Variants in PIEZO2 observed in about 807,000 individuals in gnomAD.
The protein encoded by PIEZO2 is piezo type mechanosensitive ion channel component 2, also known as piezo-type mechanosensitive ion channel component 2.
PIEZO2 carries 172 observed loss-of-function variants against 337.3 expected under a neutral mutation model. The ratio of observed to expected loss-of-function variants is 0.51; its 90% CI spans 0.45 to 0.58. PIEZO2 has a LOEUF of 0.58. Among genes scored for constraint, PIEZO2 ranks in the 20% least tolerant of loss-of-function variants. The pLI, the probability that PIEZO2 is intolerant of heterozygous loss-of-function variation, is 0.00. For synonymous variants in PIEZO2, 1,251 were observed against 1,228.5 expected (o/e 1.02, Z -0.38); for missense variants, 3,028 against 3,391.3 (o/e 0.89, Z 2.66).
intron 3 of PIEZO2, among the ~76,000 whole-genome samples, chr18:10,960,931 C>G (rs1032627477): frequency 6.6e-6 from 1 of 152,152 alleles, no homozygotes; most frequent in African/African-American, 2.4e-5. Context: ...GTAATCCCAG[C>G]ACTTTGGGAG....
chr18:11,135,740 G>T (rs879734515), intron 1 of PIEZO2, among the ~76,000 whole-genome samples: 3 of 152,142 alleles, frequency 2.0e-5, no homozygotes, highest in Non-Finnish European at 4.4e-5. Context: ...TAGAAACAGG[G>T]TTTCACCATG....
chr18:11,022,403 A>G (rs1475705895), intron 2 of PIEZO2, among the ~76,000 whole-genome samples: 3 of 152,242 alleles, frequency 2.0e-5, no homozygotes, highest in Non-Finnish European at 4.4e-5. Flanking sequence ...GGGGCATGGT[A>G]GCAAAGCACT....
chr18:10,721,307 CTGGCACTTCAGA>C lies in PIEZO2; in HGVS notation c.5030-3060_5030-3049del, dbSNP rs542206582. ...ATACATAAGGCACATATGACAACAG[CTGGCACTTCAGA>C]AGAATGGGATCCATGTGCTTCATCT... On this transcript the variant is annotated intron_variant, in intron 36 of 55. Coordinates refer to ENST00000674853, the MANE Select transcript of PIEZO2 (RefSeq NM_001378183.1). 9.2e-5 allele frequency among the ~76,000 whole-genome samples: 14 copies of C among 152,338 alleles called. No individual in the cohort carries two copies. In the South Asian group the frequency reaches 2.9e-3, roughly 32 times the overall value.
At chr18:10,868,245 C>G (rs1240814876) in intron 5 of PIEZO2, among the ~76,000 whole-genome samples, 2 of 152,202 alleles carry the variant, frequency 1.3e-5, no homozygotes, top group Non-Finnish European at 2.9e-5. Flanking sequence ...AGAAATAATG[C>G]CAGCAAACAC....
rs550198629 is a variant in PIEZO2 at position 10,979,458 on chromosome 18, G to A, written c.286+77C>T. Reference sequence around the variant, plus strand: ...TTATTGCATAGATTTCTATGTGTGCGATGACACACAGCTTTATTATGCACG... The same window carrying A: ...TTATTGCATAGATTTCTATGTGTGCAATGACACACAGCTTTATTATGCACG... On this transcript the variant is annotated intron_variant, in intron 3 of 55. Transcript: ENST00000674853. This position sits in a 1 kb window ranked among gnomAD's most constrained non-coding sequence, Gnocchi z 4.0. 6.0e-5 allele frequency: 75 copies of A among 1,258,646 alleles called. No homozygotes were observed. Among genetic ancestry groups the A allele is most frequent in the Middle Eastern group, 4.1e-4 (2 of 4,898 alleles). 78.0% of individuals were successfully genotyped at this position (1,258,646 alleles called of 1,614,324 possible). A position where few individuals can be genotyped will look rare whatever the true frequency, so the allele number is the denominator to read the frequency against.
At chr18:10,745,816 T>C (rs1032045730) in intron 30 of PIEZO2, among the ~76,000 whole-genome samples, 4 of 151,974 alleles carry the variant, frequency 2.6e-5, no homozygotes, top group African/African-American at 9.7e-5. Flanking sequence ...TCCAGGCCTG[T>C]CCATGCAGCT....
chr18:10,844,187 G>A (rs1364175409), intron 7 of PIEZO2, among the ~76,000 whole-genome samples: 1 of 152,124 alleles, frequency 6.6e-6, no homozygotes, highest in Non-Finnish European at 1.5e-5. Flanking sequence ...GGGAGGCCAA[G>A]GAGGGCGGAT....
chr18:11,141,063 C>T (rs189228549), intron 1 of PIEZO2, among the ~76,000 whole-genome samples: 6 of 152,138 alleles, frequency 3.9e-5, no homozygotes, highest in South Asian at 4.1e-4. Flanking sequence ...TTAACATACC[C>T]GCTCCAATCA....
intron 3 of PIEZO2, among the ~76,000 whole-genome samples, chr18:10,914,459 GC>G (rs1229941429): frequency 1.3e-5 from 2 of 152,058 alleles, no homozygotes; most frequent in Middle Eastern, 3.4e-3. Context: ...TAACCTTGCA[GC>G]CCCCTGCATA....
intron 1 of PIEZO2, among the ~76,000 whole-genome samples, chr18:11,089,363 C>A (rs938335585): frequency 4.6e-5 from 7 of 152,184 alleles, no homozygotes; most frequent in Non-Finnish European, 1.0e-4. Flanking sequence ...TGTCATCAAG[C>A]ACTTTCAACA....
chr18:10,918,483 T>C (rs990373109), intron 3 of PIEZO2, among the ~76,000 whole-genome samples: 1 of 152,050 alleles, frequency 6.6e-6, no homozygotes, highest in Non-Finnish European at 1.5e-5. Flanking sequence ...TTTCATAATG[T>C]CTTAATATTT....
Position 10,775,454 on chromosome 18 carries a change from A to G in PIEZO2, c.2535-1416T>C, listed in dbSNP as rs2038750974. 6.6e-6 allele frequency among the ~76,000 whole-genome samples: 1 copy of G among 152,186 alleles called. No individual in the cohort carries two copies. Among genetic ancestry groups the G allele is most frequent in the Non-Finnish European group, 1.5e-5 (1 of 68,034 alleles). On this transcript the variant is annotated intron_variant, in intron 18 of 55. Transcript: ENST00000674853. This position sits in a 1 kb window ranked among gnomAD's most constrained non-coding sequence, Gnocchi z 4.3. Reference sequence around the variant, plus strand: ...AAAGATACCTTTATTAAGACAAGGAATTCGGTGGTTGCAGTGTGAGGTGGG... The same window carrying G: ...AAAGATACCTTTATTAAGACAAGGAGTTCGGTGGTTGCAGTGTGAGGTGGG...
At chr18:11,108,483 G>A (rs1306278200) in intron 1 of PIEZO2, among the ~76,000 whole-genome samples, 2 of 151,576 alleles carry the variant, frequency 1.3e-5, no homozygotes, top group Admixed American at 6.6e-5. Context: ...GCGCGGTGGC[G>A]GGCGCCTGTA....
In PIEZO2 at chr18:10,748,742, C is replaced by A; in HGVS notation, c.4265-112G>T. The A allele has an allele frequency of 2.1e-6, 2 of 957,004 alleles. No homozygotes were observed. The highest frequency in any genetic ancestry group is 3.0e-6 in the Non-Finnish European group (2 of 676,666). 59.3% of individuals were successfully genotyped at this position (957,004 alleles called of 1,614,324 possible). A position where few individuals can be genotyped will look rare whatever the true frequency, so the allele number is the denominator to read the frequency against. On this transcript the variant is annotated intron_variant, in intron 29 of 55. Coordinates refer to ENST00000674853, the MANE Select transcript of PIEZO2 (RefSeq NM_001378183.1). This position sits in a 1 kb window ranked among gnomAD's most constrained non-coding sequence, Gnocchi z 5.1. ...GAAATATAGGCATAAAAGCAGCATT[C>A]TGATGCTCTGACTTACTTATGAGTT...
In PIEZO2 at chr18:10,767,627, A is replaced by T. The variant is rs2038419193; in HGVS notation, c.2946+2521T>A. ...GGTACCCATGGGGCCAGAAGAGATG[A>T]AGAGCTCTGGTTACAGGGTGCAGAG... is the stretch of plus-strand genomic sequence containing the variant. On this transcript the variant is annotated intron_variant, in intron 21 of 55. Coordinates refer to ENST00000674853, the MANE Select transcript of PIEZO2 (RefSeq NM_001378183.1). The surrounding 1 kb of genome is among the most constrained non-coding windows in gnomAD (Gnocchi z 4.2). 6.6e-6 allele frequency among the ~76,000 whole-genome samples: 1 copy of T among 152,136 alleles called. No homozygotes were observed. Among genetic ancestry groups the T allele is most frequent in the Non-Finnish European group, 1.5e-5 (1 of 68,016 alleles).
In PIEZO2 at chr18:10,800,532, A is replaced by C. The variant is rs924634292; in HGVS notation, c.1240-57T>G. 6.1e-6 allele frequency: 9 copies of C among 1,470,442 alleles called. No homozygotes were observed. The African/African-American group carries it at 7.1e-5, about 12-fold the overall frequency. 91.1% of individuals were successfully genotyped at this position (1,470,442 alleles called of 1,614,324 possible). ...TACAGCAGCTCTGGGTTTTCAATGC[A>C]GACATACCCCCACTTCCCTTCCTCC... is the stretch of plus-strand genomic sequence containing the variant. On this transcript the variant is annotated intron_variant, in intron 10 of 55. Transcript: ENST00000674853.
chr18:11,045,295 C>CAAAAAAAAAAA (rs58924653), intron 2 of PIEZO2, among the ~76,000 whole-genome samples: 2 of 52,346 alleles, frequency 3.8e-5, no homozygotes, highest in African/African-American at 6.6e-5. Flanking sequence ...GACTCCGTCT[C>CAAAAAAAAAAA]AAAAAAAAAA....
rs986565346 is a variant in PIEZO2 at position 10,696,365 on chromosome 18, G to A, written c.6975+27C>T. 1.9e-6 allele frequency: 3 copies of A among 1,614,028 alleles called. No homozygotes were observed. The Admixed American group carries it at 5.0e-5, about 27-fold the overall frequency. On this transcript the variant is annotated intron_variant, in intron 46 of 55. Transcript: ENST00000674853. ...AGCGCCATCGCCATGGGTCAGGGCG[G>A]GTGCTGTGGCCTTTGCCCCAACCTA...
chr18:10,967,352 A>G (rs1177806915), intron 3 of PIEZO2, among the ~76,000 whole-genome samples: 5 of 152,064 alleles, frequency 3.3e-5, no homozygotes, highest in African/African-American at 4.8e-5. Context: ...TCATTGACTG[A>G]TGGGCATTTG....
Sources: allele counts gnomAD v4.1 joint callset (sites outside exome capture counted in the v4.1 genomes callset), GRCh38; gene constraint gnomAD v4.1.1; non-coding constraint Gnocchi (gnomAD v3.1); transcripts MANE v1.5; gene names NCBI Gene and HGNC (gene_info 2026-07-23, HGNC 2026-07-21).